Variants in FBLN7 observed in about 807,000 individuals in gnomAD.
FBLN7 encodes the protein fibulin 7.
A neutral mutation model predicts 44.0 loss-of-function variants in FBLN7; 31 were observed. The ratio of observed to expected loss-of-function variants is 0.70; its 90% confidence interval spans 0.53 to 0.95. The LOEUF is 0.95. Ranked by LOEUF, FBLN7 falls within the 40% of genes least tolerant of loss-of-function variation. The pLI is 0.00. For missense variants in FBLN7, 573 were observed against 618.5 expected (o/e 0.93, Z 0.78); for synonymous variants, 262 against 253.4 (o/e 1.03, Z -0.32).
At chr2:112,160,092 G>A (rs7587227) in intron 2 of FBLN7, among the ~76,000 whole-genome samples, 2,871 of 152,212 alleles carry the variant, frequency 0.019, 98 homozygotes, top group African/African-American at 0.065. Flanking sequence ...CCGGGTTCAC[G>A]CCATTCTCCT....
chr2:112,227,097 G>T, the FBLN7 span, among the ~76,000 whole-genome samples: 3 of 152,346 alleles, frequency 2.0e-5, no homozygotes, highest in African/African-American at 7.2e-5. Context: ...ATGTATTGGT[G>T]AAAGACTGAA....
At chr2:112,152,185 A>T (rs1681190802) in intron 1 of FBLN7, 4 of 152,264 alleles carry the variant, frequency 2.6e-5, no homozygotes, top group Admixed American at 2.6e-4. Flanking sequence ...TGGAGAAGGC[A>T]CACTGGGTTT....
intron 1 of FBLN7, among the ~76,000 whole-genome samples, chr2:112,141,060 G>C (rs1680622219): frequency 6.6e-6 from 1 of 152,206 alleles, no homozygotes; most frequent in Non-Finnish European, 1.5e-5. Flanking sequence ...GGCAAGCCAG[G>C]GTGAGGGGCC....
At chr2:112,243,685 C>T in the FBLN7 span, among the ~76,000 whole-genome samples, 60 of 152,214 alleles carry the variant, frequency 3.9e-4, no homozygotes, top group Non-Finnish European at 8.2e-4. Context: ...GTTTTCTCTC[C>T]TTCATTATAT....
At chr2:112,226,712 A>G in the FBLN7 span, among the ~76,000 whole-genome samples, 1 of 152,050 alleles carries the variant, frequency 6.6e-6, no homozygotes, top group East Asian at 1.9e-4. Context: ...AACTCATTCT[A>G]GGAGGCCAGT....
intron 1 of FBLN7, chr2:112,152,907 T>C (rs1681230752): frequency 6.6e-6 from 1 of 152,212 alleles, no homozygotes; most frequent in African/African-American, 2.4e-5. Context: ...CATATATTAA[T>C]AAGTATGTTA....
chr2:112,198,674 A>T, the FBLN7 span, among the ~76,000 whole-genome samples: 2 of 151,734 alleles, frequency 1.3e-5, no homozygotes, highest in Admixed American at 6.6e-5. Flanking sequence ...AAAGAAACCC[A>T]GAGTGTGTCT....
chr2:112,203,197 G>A, the FBLN7 span, among the ~76,000 whole-genome samples: 1 of 152,120 alleles, frequency 6.6e-6, no homozygotes, highest in Non-Finnish European at 1.5e-5. Context: ...CTTATCTCAG[G>A]CCAGCTTGAG....
At chr2:112,164,965 A>G (rs1211483853) in intron 2 of FBLN7, 36 bp from the exon 3 acceptor site, 4 of 1,605,572 alleles carry the variant, frequency 2.5e-6, no homozygotes, top group Non-Finnish European at 1.7e-6. Flanking sequence ...GTGGTCCAGG[A>G]TGAGGAGCTC....
the FBLN7 span, among the ~76,000 whole-genome samples, chr2:112,220,203 G>A: frequency 6.6e-6 from 1 of 152,104 alleles, no homozygotes; most frequent in Non-Finnish European, 1.5e-5. Context: ...TTGTTAGCTG[G>A]TTATTATGCA....
At chr2:112,200,164 G>A in the FBLN7 span, among the ~76,000 whole-genome samples, 3 of 152,196 alleles carry the variant, frequency 2.0e-5, no homozygotes, top group East Asian at 3.8e-4. Flanking sequence ...CCCAACTCAA[G>A]CAACCAGTGC....
chr2:112,172,112 T>G (rs1197950850), intron 3 of FBLN7, among the ~76,000 whole-genome samples: 1 of 152,204 alleles, frequency 6.6e-6, no homozygotes, highest in African/African-American at 2.4e-5. Flanking sequence ...CTACAGAGAA[T>G]AGTAGAATGA....
At chr2:112,161,128 C>A (rs1681848884) in intron 2 of FBLN7, among the ~76,000 whole-genome samples, 1 of 152,180 alleles carries the variant, frequency 6.6e-6, no homozygotes. Context: ...CCGCCAAGAC[C>A]CAGAGATGGG....
At chr2:112,147,275 G>A (rs1056735397) in intron 1 of FBLN7, among the ~76,000 whole-genome samples, 3 of 152,208 alleles carry the variant, frequency 2.0e-5, no homozygotes, top group African/African-American at 7.2e-5. Context: ...TTGGTAGTTT[G>A]TATCTTTCAA....
chr2:112,153,610 A>G (rs1681273234), intron 1 of FBLN7, among the ~76,000 whole-genome samples: 1 of 152,124 alleles, frequency 6.6e-6, no homozygotes, highest in Non-Finnish European at 1.5e-5. Context: ...CCCAAACAGC[A>G]TGGGGGCCTG....
intron 1 of FBLN7, among the ~76,000 whole-genome samples, chr2:112,143,373 G>A (rs1329835474): frequency 1.3e-5 from 2 of 152,148 alleles, no homozygotes; most frequent in East Asian, 1.9e-4. Flanking sequence ...CCACCTCCTC[G>A]CCTGTGTGGG....
chr2:112,153,546 A>C (rs2104551063), intron 1 of FBLN7, among the ~76,000 whole-genome samples: 1 of 152,140 alleles, frequency 6.6e-6, no homozygotes, highest in East Asian at 1.9e-4. Flanking sequence ...TTCCGTACAT[A>C]CTCCTGAAGC....
the FBLN7 span, among the ~76,000 whole-genome samples, chr2:112,199,601 T>G: frequency 1.3e-5 from 2 of 152,180 alleles, no homozygotes; most frequent in Non-Finnish European, 2.9e-5. Flanking sequence ...CTTTCTCTGG[T>G]CTCAAATGCC....
chr2:112,185,011 G>T (rs887623606), intron 6 of FBLN7, among the ~76,000 whole-genome samples, 190 bp from the exon 7 acceptor site: 1 of 151,550 alleles, frequency 6.6e-6, no homozygotes, highest in African/African-American at 2.4e-5. Context: ...TCCCAGGGAG[G>T]GGCACTCCCT....
Sources: gnomAD v4.1 joint callset for allele counts (sites outside exome capture counted in the v4.1 genomes callset) on GRCh38, gnomAD v4.1.1 for gene constraint, MANE v1.5 for transcripts, NCBI Gene and HGNC (gene_info 2026-07-23, HGNC 2026-07-21) for gene names.